AGBL4: variants seen among roughly 807,000 people sequenced by gnomAD.
AGBL4 encodes cytosolic carboxypeptidase 6.
In AGBL4, 58 loss-of-function variants were observed where a neutral mutation model predicts 66.4. The observed-to-expected ratio is 0.87, with a 90% CI of 0.71 to 1.09. The LOEUF (loss-of-function observed/expected upper bound fraction) is 1.09, where lower values mean the gene tolerates loss of function less well. AGBL4 is among the 50% of genes least tolerant of loss of function. The pLI, the probability that AGBL4 is intolerant of heterozygous loss-of-function variation, is 0.00. For missense variants in AGBL4, 579 were observed against 631.0 expected, an observed-to-expected ratio of 0.92 and a Z score of 0.88; for synonymous variants, 234 against 222.9, an observed-to-expected ratio of 1.05 and a Z score of -0.44.
At chr1:49,820,222 A>G (rs1645334636) in intron 2 of AGBL4, among the ~76,000 whole-genome samples, 1 of 152,150 alleles carries the variant, frequency 6.6e-6, no homozygotes, top group Non-Finnish European at 1.5e-5. Context: ...AGATGTGAAA[A>G]TGAATTTCCT....
intron 6 of AGBL4, among the ~76,000 whole-genome samples, chr1:48,760,316 G>T (rs1195498356): frequency 1.3e-5 from 2 of 152,144 alleles, no homozygotes; most frequent in Non-Finnish European, 1.5e-5. Flanking sequence ...TCTCCTGACT[G>T]GGGCATGTGT....
At chr1:49,298,629 C>A (rs914583104) in intron 3 of AGBL4, among the ~76,000 whole-genome samples, 1 of 137,620 alleles carries the variant, frequency 7.3e-6, no homozygotes, top group African/African-American at 3.5e-5. Context: ...GCCTCTCCTT[C>A]CTCCCTCCCT....
chr1:49,900,268 A>T (rs976639754), intron 1 of AGBL4, among the ~76,000 whole-genome samples: 1 of 151,646 alleles, frequency 6.6e-6, no homozygotes, highest in African/African-American at 2.4e-5. Flanking sequence ...TTTTTGAGAC[A>T]GAGTTTCGCT....
intron 3 of AGBL4, among the ~76,000 whole-genome samples, chr1:49,489,769 C>T (rs1054777546): frequency 2.6e-5 from 4 of 151,842 alleles, no homozygotes; most frequent in Non-Finnish European, 5.9e-5. Context: ...GTTTTCCCAG[C>T]AGCATTTATT....
chr1:49,187,596 TA>T (rs1647037919), intron 4 of AGBL4: 1 of 152,178 alleles, frequency 6.6e-6, no homozygotes. Context: ...GAATTGTTTC[TA>T]AAAGACAAAT....
intron 4 of AGBL4, 43 bp from the exon 5 acceptor site, chr1:49,045,843 G>A (rs556467022): frequency 4.5e-5 from 66 of 1,477,892 alleles, no homozygotes; most frequent in Non-Finnish European, 5.5e-5. Flanking sequence ...TGAGACATTC[G>A]TTCAAGCTTC....
intron 4 of AGBL4, among the ~76,000 whole-genome samples, chr1:49,133,020 A>C (rs1645931706): frequency 6.6e-6 from 1 of 152,372 alleles, no homozygotes; most frequent in South Asian, 2.1e-4. Context: ...CTGGATAAAG[A>C]AAATGTGGCA....
chr1:48,781,023 C>T (rs917809446), intron 6 of AGBL4, among the ~76,000 whole-genome samples: 5 of 152,126 alleles, frequency 3.3e-5, no homozygotes, highest in African/African-American at 7.2e-5. Flanking sequence ...TCCCAGTGAT[C>T]GAAGGGCAGA....
intron 1 of AGBL4, among the ~76,000 whole-genome samples, chr1:50,006,922 G>C (rs1380732762): frequency 6.6e-6 from 1 of 152,084 alleles, no homozygotes. Context: ...AAAAGACATA[G>C]AATATTTTAA....
At chr1:49,371,412 T>G (rs867222674) in intron 3 of AGBL4, among the ~76,000 whole-genome samples, 1 of 152,190 alleles carries the variant, frequency 6.6e-6, no homozygotes, top group Non-Finnish European at 1.5e-5. Flanking sequence ...GTTTTACAAC[T>G]GTACATACGT....
chr1:48,664,047 G>C (rs1000750950), intron 6 of AGBL4, among the ~76,000 whole-genome samples: 2 of 152,162 alleles, frequency 1.3e-5, no homozygotes, highest in African/African-American at 4.8e-5. Flanking sequence ...ATCAATGAGA[G>C]AAGGAAAACA....
chr1:48,900,309 A>G (rs1004623139), intron 5 of AGBL4, among the ~76,000 whole-genome samples: 9 of 152,232 alleles, frequency 5.9e-5, no homozygotes, highest in Admixed American at 1.3e-4. Context: ...AGAATTTTTA[A>G]AAGAGGATGG....
At chr1:48,781,598 C>G (rs1645294084) in intron 6 of AGBL4, among the ~76,000 whole-genome samples, 1 of 152,230 alleles carries the variant, frequency 6.6e-6, no homozygotes, top group Non-Finnish European at 1.5e-5. Flanking sequence ...GTTGAATCCC[C>G]TCTTCAATAT....
intron 6 of AGBL4, among the ~76,000 whole-genome samples, chr1:48,805,053 C>G (rs1645892509): frequency 6.6e-6 from 1 of 152,134 alleles, no homozygotes; most frequent in South Asian, 2.1e-4. Flanking sequence ...AATATCTATT[C>G]ATCTGTTCAG....
chr1:49,259,485 A>C (rs1309190496), intron 3 of AGBL4, among the ~76,000 whole-genome samples: 2 of 151,158 alleles, frequency 1.3e-5, no homozygotes, highest in Non-Finnish European at 3.0e-5. Flanking sequence ...ATGGAAAACA[A>C]AAAAAGGCAA....
At chr1:49,790,975 A>G (rs1644585513) in intron 2 of AGBL4, among the ~76,000 whole-genome samples, 1 of 152,210 alleles carries the variant, frequency 6.6e-6, no homozygotes, top group African/African-American at 2.4e-5. Context: ...TATAAAACAT[A>G]TAATAACAAT....
In AGBL4 at chr1:49,030,416, A is replaced by G. The variant is rs111425289; in HGVS notation, c.594+15168T>C. Among the ~76,000 whole-genome samples, 64 of 152,256 alleles carry G rather than the reference A, an allele frequency of 4.2e-4. 1 individual carries two copies. The highest frequency in any genetic ancestry group is 1.3e-3 in the African/African-American group (54 of 41,548). ...CTTTTAGCCTCCAAAAGTGTGAGAA[A>G]TACATTTCTGTTGTTTAAGCCAGGG... On this transcript the variant is annotated intron_variant, in intron 5 of 13. Coordinates refer to ENST00000371839, the MANE Select transcript of AGBL4 (RefSeq NM_032785.4).
At chr1:49,192,746 G>C (rs1341618287) in intron 4 of AGBL4, among the ~76,000 whole-genome samples, 1 of 152,146 alleles carries the variant, frequency 6.6e-6, no homozygotes, top group Non-Finnish European at 1.5e-5. Flanking sequence ...AGCTCTAAAA[G>C]ACACCTTCTT....
chr1:49,078,589 G>A (rs868797020), intron 4 of AGBL4, among the ~76,000 whole-genome samples: 1 of 151,986 alleles, frequency 6.6e-6, no homozygotes, highest in Non-Finnish European at 1.5e-5. Flanking sequence ...TCACTATTCA[G>A]CTCTCCACCT....
Sources: allele counts gnomAD v4.1 joint callset (sites outside exome capture counted in the v4.1 genomes callset), GRCh38; gene constraint gnomAD v4.1.1; transcripts MANE v1.5; gene names NCBI Gene and HGNC (gene_info 2026-07-23, HGNC 2026-07-21).